TBCK: variants seen among roughly 807,000 people sequenced by gnomAD.
TBCK encodes TBC1 domain containing kinase, also known as TBC domain-containing protein kinase-like protein.
In TBCK, 99 loss-of-function variants were observed where a neutral mutation model predicts 113.4. The observed-to-expected ratio is 0.87, with a 90% confidence interval of 0.74 to 1.03. The LOEUF is 1.03. TBCK is among the 50% of genes least tolerant of loss of function. The pLI is 0.00. For synonymous variants in TBCK, 369 were observed against 370.8 expected, an observed-to-expected ratio of 1.00 and a Z score of 0.05; for missense variants, 1,045 against 1,061.3, an observed-to-expected ratio of 0.98 and a Z score of 0.21.
At chr4:106,244,523 C>G (rs904395046) in intron 11 of TBCK, 103 bp downstream of exon 11, 2 of 1,041,650 alleles carry the variant, frequency 1.9e-6, no homozygotes, top group Non-Finnish European at 2.5e-6. Flanking sequence ...TAAAAACAAC[C>G]AATTTAAAAA....
chr4:106,235,862 C>T (rs1026786106), intron 14 of TBCK, among the ~76,000 whole-genome samples: 1 of 151,956 alleles, frequency 6.6e-6, no homozygotes, highest in Non-Finnish European at 1.5e-5. Context: ...ACAAAGGCAA[C>T]AGATGTTGTT....
intron 23 of TBCK, among the ~76,000 whole-genome samples, chr4:106,121,101 C>T (rs1744295255): frequency 6.6e-6 from 1 of 152,022 alleles, no homozygotes; most frequent in South Asian, 2.1e-4. Flanking sequence ...CTAGAATAAC[C>T]CATCAGTGTG....
upstream of TBCK, chr4:106,316,284 T>G: frequency 1.6e-5 from 6 of 370,888 alleles, no homozygotes; most frequent in Non-Finnish European, 2.5e-5. Flanking sequence ...GACCCCGACT[T>G]GTGGTGTCCT....
At chr4:106,121,149 C>T (rs1271991834) in intron 23 of TBCK, among the ~76,000 whole-genome samples, 4 of 151,952 alleles carry the variant, frequency 2.6e-5, no homozygotes, top group Non-Finnish European at 5.9e-5. Context: ...CAGAGACACA[C>T]ATAGGCTCAA....
At chr4:106,266,373 C>T (rs930987959) in intron 3 of TBCK, among the ~76,000 whole-genome samples, 4 of 151,874 alleles carry the variant, frequency 2.6e-5, no homozygotes, top group South Asian at 4.1e-4. Context: ...TCAGCTATGA[C>T]ACTAGAGGAC....
At chr4:106,155,227 G>A (rs1748989504) in intron 23 of TBCK, among the ~76,000 whole-genome samples, 3 of 151,816 alleles carry the variant, frequency 2.0e-5, no homozygotes. Context: ...TCTGCTGCCG[G>A]ACATATAAGA....
intron 22 of TBCK, among the ~76,000 whole-genome samples, chr4:106,189,728 T>A (rs919952653): frequency 1.3e-5 from 2 of 152,198 alleles, no homozygotes; most frequent in Admixed American, 1.3e-4. Flanking sequence ...AATACTTATT[T>A]CATTACTTCA....
At chr4:106,097,727 G>A (rs1741094027) in intron 24 of TBCK, among the ~76,000 whole-genome samples, 1 of 152,080 alleles carries the variant, frequency 6.6e-6, no homozygotes, top group East Asian at 1.9e-4. Context: ...CTAGACATTT[G>A]AGAGGTGGTC....
At position 106,233,025 on chromosome 4, in the gene TBCK, G is replaced by C; in HGVS notation, c.1552C>G (p.Leu518Val). The C allele has an allele frequency of 6.2e-7, 1 of 1,611,670 alleles. No individual in the cohort carries two copies. The highest frequency in any genetic ancestry group is 1.7e-5 in the Admixed American group (1 of 59,848). ...DIPRCHQYDE[L>V]LSSPEGHAKF... ...GCATGACCTTCTGGTGATGATAACAGTTCATCGTACTGATGACAGCGAGGA... is the reference window on the plus strand; with the variant it reads ...GCATGACCTTCTGGTGATGATAACACTTCATCGTACTGATGACAGCGAGGA... Residue 518 changes from leucine to valine, a missense_variant, in exon 17 of 26, where the codon CTG (leucine) becomes GTG (valine). Leu to Val is a conservative substitution (Grantham distance 32, BLOSUM62 1). Transcript: ENST00000394708.
intron 23 of TBCK, among the ~76,000 whole-genome samples, chr4:106,152,286 A>T (rs1250894206): frequency 2.0e-5 from 3 of 151,962 alleles, no homozygotes; most frequent in Non-Finnish European, 4.4e-5. Flanking sequence ...GGGTTTTTTA[A>T]TCATAAAAAG....
intron 3 of TBCK, among the ~76,000 whole-genome samples, chr4:106,270,716 T>G (rs1019034712): frequency 6.6e-6 from 1 of 152,190 alleles, no homozygotes; most frequent in African/African-American, 2.4e-5. Flanking sequence ...TCTCAAATAA[T>G]GAATGGGAGA....
intron 12 of TBCK, among the ~76,000 whole-genome samples, chr4:106,240,592 T>C (rs997383815): frequency 3.3e-5 from 5 of 152,040 alleles, no homozygotes; most frequent in Non-Finnish European, 7.4e-5. Flanking sequence ...AATCCTCTAC[T>C]GGTATACTTA....
intron 3 of TBCK, among the ~76,000 whole-genome samples, chr4:106,288,381 G>A (rs565615130): frequency 2.2e-4 from 34 of 151,680 alleles, no homozygotes; most frequent in African/African-American, 7.3e-4. Flanking sequence ...GCGACAAAGC[G>A]AGACTCCGTC....
intron 3 of TBCK, among the ~76,000 whole-genome samples, chr4:106,271,679 G>A (rs1273915702): frequency 6.6e-6 from 1 of 151,316 alleles, no homozygotes; most frequent in African/African-American, 2.4e-5. Context: ...TTGAACCCAG[G>A]AGGCAGAGGT....
At chr4:106,296,727 T>C (rs886524824) in intron 2 of TBCK, among the ~76,000 whole-genome samples, 26 of 151,888 alleles carry the variant, frequency 1.7e-4, no homozygotes, top group Non-Finnish European at 1.5e-5. Context: ...ATTCCAATTG[T>C]AGAGGAAAAG....
intron 25 of TBCK, among the ~76,000 whole-genome samples, chr4:106,071,933 T>G (rs1249403716): frequency 1.3e-5 from 2 of 152,202 alleles, no homozygotes; most frequent in Admixed American, 6.5e-5. Context: ...TTCCTTTTTT[T>G]GCTTTCCATT....
At chr4:106,275,855 C>T (rs890421799) in intron 3 of TBCK, among the ~76,000 whole-genome samples, 17 of 151,970 alleles carry the variant, frequency 1.1e-4, no homozygotes, top group Non-Finnish European at 5.9e-5. Context: ...CAAATTGATC[C>T]ATACATGCAA....
chr4:106,047,481 A>T (rs544274523), intron 25 of TBCK, among the ~76,000 whole-genome samples: 1 of 152,158 alleles, frequency 6.6e-6, no homozygotes, highest in Admixed American at 6.5e-5. Context: ...TCCCCTCTTT[A>T]GCGCCTCCTC....
At chr4:106,050,519 A>T (rs1734686989) in intron 25 of TBCK, among the ~76,000 whole-genome samples, 1 of 152,096 alleles carries the variant, frequency 6.6e-6, no homozygotes. Context: ...ATTATGCTGG[A>T]AATCAGTAAC....
Sources: allele counts gnomAD v4.1 joint callset (sites outside exome capture counted in the v4.1 genomes callset), GRCh38; gene constraint gnomAD v4.1.1; transcripts MANE v1.5; gene names NCBI Gene and HGNC (gene_info 2026-07-23, HGNC 2026-07-21).